Variants in MRPL9 observed in about 807,000 individuals in gnomAD.
MRPL9 encodes large ribosomal subunit protein bL9m.
MRPL9 carries 25 observed loss-of-function variants against 27.6 expected under a neutral mutation model. The ratio of observed to expected loss-of-function variants is 0.91; its 90% confidence interval spans 0.66 to 1.27. The LOEUF is 1.27. Among genes scored for constraint, MRPL9 ranks in the 50% most tolerant of loss-of-function variants. MRPL9 has a pLI of 0.00. For missense variants in MRPL9, 362 were observed against 338.0 expected, an observed-to-expected ratio of 1.07 and a Z score of -0.56; for synonymous variants, 154 against 139.0, an observed-to-expected ratio of 1.11 and a Z score of -0.76.
intron 5 of MRPL9, 149 bp downstream of exon 5, chr1:151,761,302 C>T (rs1648066748): frequency 1.5e-6 from 1 of 652,766 alleles, no homozygotes. Flanking sequence ...CATTTCCTTC[C>T]CATATTCCTG....
rs756143067 is a variant in MRPL9, at chr1:151,761,313, C to T, written c.588+138G>A. 7.7e-5 allele frequency: 52 copies of T among 679,120 alleles called. 1 individual carries two copies. The highest frequency in any genetic ancestry group is 1.2e-4 in the Non-Finnish European group (47 of 380,296). 42.1% of individuals were successfully genotyped at this position (679,120 alleles called of 1,614,324 possible). A position where few individuals can be genotyped will look rare whatever the true frequency, so the allele number is the denominator to read the frequency against. Reference sequence around the variant, plus strand: ...TAGCCATTTCCTTCCCATATTCCTGCAAACTAACCAAGAATACTTTCCTTA... The same window carrying T: ...TAGCCATTTCCTTCCCATATTCCTGTAAACTAACCAAGAATACTTTCCTTA... On this transcript the variant is annotated intron_variant, in intron 5 of 6. Transcript: ENST00000368830.
chr1:151,760,810 A>C lies in MRPL9; in HGVS notation c.672+6T>G. 1 of 1,566,920 alleles carries C rather than the reference A, an allele frequency of 6.4e-7. No individual in the cohort carries two copies. The highest frequency in any genetic ancestry group is 8.6e-7 in the Non-Finnish European group (1 of 1,165,290). On this transcript the variant is annotated splice_donor_region_variant and intron_variant, in intron 6 of 6. Transcript: ENST00000368830. ...AAAGAAAAAAGAAAGTATGCAAAAC[A>C]CTCACCGTCACCTCACACCAATACT...
chr1:151,762,004 C>G, intron 4 of MRPL9, 101 bp downstream of exon 4: 1 of 1,182,900 alleles, frequency 8.5e-7, no homozygotes, highest in Non-Finnish European at 1.3e-6. Context: ...TTCTCCCACT[C>G]TTGGGTCTGC....
At chr1:151,763,204 A>C (rs778794073) in intron 1 of MRPL9, 58 bp from the exon 2 acceptor site, 1 of 1,567,926 alleles carries the variant, frequency 6.4e-7, no homozygotes, top group Non-Finnish European at 8.7e-7. Flanking sequence ...CTCTCCCTCC[A>C]CCACGGCCGC....
In MRPL9 at chr1:151,762,198, G is replaced by A. The variant is rs199887114; in HGVS notation, c.436-43C>T. The A allele has an allele frequency of 3.1e-6, 5 of 1,605,226 alleles. No individual in the cohort carries two copies. In the African/African-American group the frequency reaches 6.7e-5, roughly 21 times the overall value. On this transcript the variant is annotated intron_variant, in intron 3 of 6. Transcript: ENST00000368830. ...AGATGAAAAGCAGTAAAAGAAAAAT[G>A]AGCCCATGTTAAATAGCATCAAACT...
chr1:151,761,006 G>T, intron 5 of MRPL9, 107 bp from the exon 6 acceptor site: 1 of 1,037,578 alleles, frequency 9.6e-7, no homozygotes. Flanking sequence ...TCCCTGCACA[G>T]GGATGAATAA....
chr1:151,762,182 G>A lies in MRPL9; in HGVS notation c.436-27C>T, dbSNP rs990388937. 4.3e-6 allele frequency: 7 copies of A among 1,612,870 alleles called. No individual in the cohort carries two copies. The African/African-American group carries it at 6.7e-5, about 15-fold the overall frequency. ...TAGAAAAGAAAGTTAAAGATGAAAA[G>A]CAGTAAAAGAAAAATGAGCCCATGT... On this transcript the variant is annotated intron_variant, in intron 3 of 6. Transcript: ENST00000368830.
At position 151,763,159 on chromosome 1, in the gene MRPL9, A is replaced by T; in HGVS notation, c.154-13T>A. On this transcript the variant is annotated splice_polypyrimidine_tract_variant and intron_variant, in intron 1 of 6. Transcript: ENST00000368830. ...CGATGACCGTGCCCTGGCGGCCAGGAAAGCGACGGTAAGCTAGTCTCCACA... is the reference window on the plus strand; with the variant it reads ...CGATGACCGTGCCCTGGCGGCCAGGTAAGCGACGGTAAGCTAGTCTCCACA... 1.2e-6 allele frequency: 2 copies of T among 1,611,984 alleles called. No individual in the cohort carries two copies. Among genetic ancestry groups the T allele is most frequent in the South Asian group, 2.2e-5 (2 of 90,902 alleles).
intron 3 of MRPL9, 28 bp downstream of exon 3, chr1:151,762,348 A>G: frequency 1.9e-6 from 3 of 1,613,702 alleles, no homozygotes; most frequent in Non-Finnish European, 2.5e-6. Context: ...TATCTCCCCA[A>G]GTCTCTCTGT....
In MRPL9 at chr1:151,759,922, A is replaced by C; in HGVS notation, c.*128T>G. 8.2e-7 allele frequency: 1 copy of C among 1,226,772 alleles called. No individual in the cohort carries two copies. Among genetic ancestry groups the C allele is most frequent in the Non-Finnish European group, 1.1e-6 (1 of 890,550 alleles). The allele number at this position is 1,226,772 out of a possible 1,614,324, so 76.0% of individuals were successfully genotyped here. ...AGAATTCAACATGTATACGCAGTGC[A>C]GTCTGATGTCTTCAGATGTTCTCTA... is the stretch of plus-strand genomic sequence containing the variant. On this transcript the variant is annotated 3_prime_UTR_variant, in exon 7 of 7. Transcript: ENST00000368830.
chr1:151,763,483 C>A lies in MRPL9; in HGVS notation c.-4G>T. Reference sequence around the variant, plus strand: ...CCGTGACAACGGGCGCCGCCATGTTCACAGGCACAGAATGAGACCTGAGGG... The same window carrying A: ...CCGTGACAACGGGCGCCGCCATGTTAACAGGCACAGAATGAGACCTGAGGG... On this transcript the variant is annotated 5_prime_UTR_variant, in exon 1 of 7. Coordinates refer to ENST00000368830, the MANE Select transcript of MRPL9 (RefSeq NM_031420.4). 3 of 1,571,974 alleles carry A rather than the reference C, an allele frequency of 1.9e-6. No individual in the cohort carries two copies. The highest frequency in any genetic ancestry group is 2.3e-5 in the South Asian group (2 of 86,182).
In MRPL9 at chr1:151,759,802, G is replaced by A. The variant is rs528081675; in HGVS notation, c.*248C>T. On this transcript the variant is annotated 3_prime_UTR_variant, in exon 7 of 7. Transcript: ENST00000368830. Reference sequence around the variant, plus strand: ...AGCTAAACAGGTTTTGGATGGTTTCGGTCTACTGCATCTAGCTTATCAAAT... The same window carrying A: ...AGCTAAACAGGTTTTGGATGGTTTCAGTCTACTGCATCTAGCTTATCAAAT... 2 of 414,752 alleles carry A rather than the reference G, an allele frequency of 4.8e-6. No homozygotes were observed. The highest frequency in any genetic ancestry group is 6.1e-4 in the Middle Eastern group (1 of 1,630). 25.7% of individuals were successfully genotyped at this position (414,752 alleles called of 1,614,324 possible).
At chr1:151,761,068 T>C (rs1290203665) in intron 5 of MRPL9, 169 bp from the exon 6 acceptor site, 2 of 608,590 alleles carry the variant, frequency 3.3e-6, no homozygotes, top group Non-Finnish European at 5.6e-6. Context: ...GCATACACCT[T>C]CATAGACGGT....
intron 3 of MRPL9, 23 bp downstream of exon 3, chr1:151,762,353 C>G: frequency 6.2e-7 from 1 of 1,613,842 alleles, no homozygotes; most frequent in Non-Finnish European, 8.5e-7. Context: ...CCCCAAGTCT[C>G]TCTGTCCTTC....
At chr1:151,762,911 T>C in intron 2 of MRPL9, 79 bp downstream of exon 2, 2 of 1,503,948 alleles carry the variant, frequency 1.3e-6, no homozygotes. Flanking sequence ...GCAAGGCAAA[T>C]AGTTGAGGGG....
At chr1:151,762,184 A>C (rs749645179) in intron 3 of MRPL9, 29 bp from the exon 4 acceptor site, 4 of 1,612,732 alleles carry the variant, frequency 2.5e-6, no homozygotes. Flanking sequence ...GATGAAAAGC[A>C]GTAAAAGAAA....
chr1:151,762,374 A>G lies in MRPL9; in HGVS notation c.435+2T>C. The G allele has an allele frequency of 6.2e-7, 1 of 1,614,136 alleles. No individual in the cohort carries two copies. Among genetic ancestry groups the G allele is most frequent in the South Asian group, 1.1e-5 (1 of 91,076 alleles). On this transcript the variant is annotated splice_donor_variant, in intron 3 of 6. Transcript: ENST00000368830. LOFTEE classifies it high-confidence loss of function. Reference sequence around the variant, plus strand: ...GTCTCTCTGTCCTTCCTTTGAGCTCACCAATTTCTCCTCTTCAAACAGCTT... The same window carrying G: ...GTCTCTCTGTCCTTCCTTTGAGCTCGCCAATTTCTCCTCTTCAAACAGCTT...
chr1:151,760,079 C>T lies in MRPL9; in HGVS notation c.775G>A (p.Ala259Thr). The T allele has an allele frequency of 1.2e-6, 2 of 1,614,094 alleles. No homozygotes were observed. The highest frequency in any genetic ancestry group is 1.7e-5 in the Admixed American group (1 of 60,006). Residue 259 changes from alanine to threonine, a missense_variant, in exon 7 of 7, where the codon GCT (alanine) becomes ACT (threonine). Ala to Thr is a moderately conservative substitution (Grantham distance 58). Transcript: ENST00000368830. The stretch of plus-strand genomic sequence containing the variant: ...ATCTGGGGGCTGGTGGGGGCCATAG[C>T]CTTGGCAGCTTGCTGGGCTAACCAG... ...KYWLAQQAAK[A>T]MAPTSPQI is the part of the protein sequence containing the mutation.
chr1:151,760,921 A>AAAAAT lies in MRPL9; in HGVS notation c.589-23_589-22insATTTT. The AAAAAT allele has an allele frequency of 7.1e-6, 11 of 1,540,766 alleles. No individual in the cohort carries two copies. The African/African-American group carries it at 1.5e-4, about 20-fold the overall frequency. On this transcript the variant is annotated intron_variant, in intron 5 of 6. Transcript: ENST00000368830. ...CAAGCTGCAAAAAAAAAAAAAAAAA[A>AAAAAT]AAAAATCTCAGCTCAAATGAACTCT...
Sources: allele counts gnomAD v4.1 joint callset, GRCh38; gene constraint gnomAD v4.1.1; transcripts MANE v1.5; gene names NCBI Gene and HGNC (gene_info 2026-07-23, HGNC 2026-07-21).